TTC28: variants seen among roughly 807,000 people sequenced by gnomAD.
TTC28 encodes tetratricopeptide repeat protein 28.
TTC28 carries 61 observed loss-of-function variants against 198.0 expected under a neutral mutation model. That is an observed-to-expected ratio of 0.31 (90% CI 0.25 to 0.38). The LOEUF is 0.38. Ranked by LOEUF, TTC28 falls within the 10% of genes least tolerant of loss-of-function variation. TTC28 has a pLI of 1.00. For synonymous variants in TTC28, 1,171 were observed against 1,297.8 expected (o/e 0.90, Z 2.10); for missense variants, 2,678 against 3,164.0 (o/e 0.85, Z 3.69).
At chr22:28,391,505 A>T (rs1043788405) in intron 2 of TTC28, among the ~76,000 whole-genome samples, 36 of 151,806 alleles carry the variant, frequency 2.4e-4, no homozygotes, top group African/African-American at 8.7e-4. Flanking sequence ...TGGTCTTTTC[A>T]CATAGTCCCA....
At chr22:28,124,195 G>GT (rs1006803474) in intron 6 of TTC28, among the ~76,000 whole-genome samples, 10 of 150,484 alleles carry the variant, frequency 6.6e-5, no homozygotes, top group African/African-American at 2.5e-4. Flanking sequence ...TGTTGTTGTT[G>GT]TTGTTTGTTT....
chr22:28,228,856 G>A (rs1238562758), intron 5 of TTC28, among the ~76,000 whole-genome samples: 1 of 151,858 alleles, frequency 6.6e-6, no homozygotes, highest in East Asian at 1.9e-4. Flanking sequence ...TTTCTCGATT[G>A]TTTAAAAAAC....
At chr22:28,387,872 G>T (rs1022902392) in intron 2 of TTC28, among the ~76,000 whole-genome samples, 34 of 152,228 alleles carry the variant, frequency 2.2e-4, no homozygotes, top group Admixed American at 1.4e-3. Context: ...GTCAATTTTG[G>T]CTTTGGTTGC....
rs551178048 is a variant in TTC28 at position 28,316,859 on chromosome 22, T to C, written c.382-10216A>G. On this transcript the variant is annotated intron_variant, in intron 2 of 22. Transcript: ENST00000397906. Reference sequence around the variant, plus strand: ...ATGGCTCACTGCAGCTTTGAACCCCTGAGTGCAAGTGATCCTCCCACTTAA... The same window carrying C: ...ATGGCTCACTGCAGCTTTGAACCCCCGAGTGCAAGTGATCCTCCCACTTAA... 4.6e-5 allele frequency among the ~76,000 whole-genome samples: 7 copies of C among 152,262 alleles called. No individual in the cohort carries two copies. In the East Asian group the frequency reaches 1.4e-3, roughly 29 times the overall value.
At chr22:28,073,647 C>T (rs1249831301) in intron 12 of TTC28, among the ~76,000 whole-genome samples, 3 of 152,198 alleles carry the variant, frequency 2.0e-5, no homozygotes, top group Non-Finnish European at 4.4e-5. Flanking sequence ...GTTCAACACA[C>T]ATCCACTCCT....
chr22:28,363,445 C>T (rs1256691107), intron 2 of TTC28, among the ~76,000 whole-genome samples: 1 of 152,198 alleles, frequency 6.6e-6, no homozygotes, highest in Non-Finnish European at 1.5e-5. Context: ...GGGTGAGGCC[C>T]TCATGGAGAA....
chr22:28,161,160 T>C (rs969827913), intron 6 of TTC28, among the ~76,000 whole-genome samples: 1 of 152,106 alleles, frequency 6.6e-6, no homozygotes, highest in African/African-American at 2.4e-5. Context: ...AAAGTGAACA[T>C]AATACATAAA....
chr22:28,247,407 A>G (rs1316074372), intron 5 of TTC28, among the ~76,000 whole-genome samples: 1 of 152,238 alleles, frequency 6.6e-6, no homozygotes, highest in African/African-American at 2.4e-5. Flanking sequence ...AGTTCAACTC[A>G]GCTCAAGAAT....
At position 28,107,759 on chromosome 22, in the gene TTC28, A is replaced by T; in HGVS notation, c.2086T>A (p.Cys696Ser). 1 of 1,551,868 alleles carries T rather than the reference A, an allele frequency of 6.4e-7. No homozygotes were observed. The highest frequency in any genetic ancestry group is 2.4e-5 in the East Asian group (1 of 40,912). ...ALLNFSKAEE[C>S]QKYLLSLAQS... ...GCTAGGGACAGTAGGTACTTCTGAC[A>T]CTCTTCAGCTTTACTGAAATTCAGC... The change falls in exon 7 of 23, where the codon TGT becomes AGT. Residue 696 changes from cysteine (C) to serine (S), a missense_variant. Physicochemically the swap from Cys to Ser is moderately radical, Grantham distance 112. Coordinates refer to ENST00000397906, the MANE Select transcript of TTC28 (RefSeq NM_001145418.2).
At chr22:28,214,599 T>G (rs1927223974) in intron 5 of TTC28, among the ~76,000 whole-genome samples, 2 of 152,152 alleles carry the variant, frequency 1.3e-5, no homozygotes, top group South Asian at 2.1e-4. Context: ...CTCACACCAG[T>G]TAGAATGGCA....
chr22:28,512,754 A>C (rs2146398500), intron 2 of TTC28, among the ~76,000 whole-genome samples: 1 of 152,234 alleles, frequency 6.6e-6, no homozygotes, highest in South Asian at 2.1e-4. Context: ...GTGGGGAACA[A>C]CACACACTGG....
chr22:28,670,704 C>CATATATATATATATATATATAT (rs146059811), intron 1 of TTC28, among the ~76,000 whole-genome samples: 42 of 128,582 alleles, frequency 3.3e-4, no homozygotes, highest in South Asian at 9.9e-4. Context: ...GTCTTTAGGG[C>CATATATATATATATATATATAT]ATATATATAT....
intron 5 of TTC28, among the ~76,000 whole-genome samples, chr22:28,221,608 C>T (rs1927876006): frequency 6.6e-6 from 1 of 152,202 alleles, no homozygotes; most frequent in Admixed American, 6.5e-5. Context: ...CCCCTGCATG[C>T]TTGACACTCC....
intron 2 of TTC28, among the ~76,000 whole-genome samples, chr22:28,512,836 G>A (rs1186187071): frequency 6.6e-6 from 1 of 152,024 alleles, no homozygotes; most frequent in Non-Finnish European, 1.5e-5. Flanking sequence ...CTAGGTGAAG[G>A]GGTGATCTGT....
intron 5 of TTC28, among the ~76,000 whole-genome samples, chr22:28,200,335 T>C (rs889011348): frequency 2.6e-5 from 4 of 152,124 alleles, no homozygotes; most frequent in African/African-American, 9.7e-5. Context: ...GGAAATAAAA[T>C]GACATGTCAT....
chr22:28,557,739 G>C (rs1363375366), intron 2 of TTC28, among the ~76,000 whole-genome samples: 1 of 152,198 alleles, frequency 6.6e-6, no homozygotes, highest in African/African-American at 2.4e-5. Flanking sequence ...AAATCTAGTT[G>C]ATCTTAAACA....
chr22:28,098,096 C>G (rs761708277), intron 10 of TTC28, among the ~76,000 whole-genome samples: 15 of 152,202 alleles, frequency 9.9e-5, no homozygotes, highest in Non-Finnish European at 1.8e-4. Context: ...CTGGAAGGGA[C>G]TGGCTGACTA....
chr22:28,550,540 C>T (rs1460022316), intron 2 of TTC28, among the ~76,000 whole-genome samples: 2 of 152,078 alleles, frequency 1.3e-5, no homozygotes. Context: ...CTACTTCTAT[C>T]AGGAGTGTGC....
chr22:28,613,764 T>C (rs1481691558), intron 2 of TTC28, among the ~76,000 whole-genome samples: 1 of 152,206 alleles, frequency 6.6e-6, no homozygotes, highest in East Asian at 1.9e-4. Flanking sequence ...ATAAAAACTC[T>C]CAATAAACTA....
Sources: gnomAD v4.1 joint callset for allele counts (sites outside exome capture counted in the v4.1 genomes callset) on GRCh38, gnomAD v4.1.1 for gene constraint, MANE v1.5 for transcripts, NCBI Gene and HGNC (gene_info 2026-07-23, HGNC 2026-07-21) for gene names.